Variants in NUP214 observed in about 807,000 individuals in gnomAD.
NUP214 encodes the protein nucleoporin 214.
NUP214 carries 79 observed loss-of-function variants against 196.2 expected under a neutral mutation model. That is an observed-to-expected ratio of 0.40 (90% CI 0.34 to 0.49). The LOEUF is 0.49. Among genes scored for constraint, NUP214 ranks in the 20% least tolerant of loss-of-function variants. The pLI, the probability that NUP214 is intolerant of heterozygous loss-of-function variation, is 0.58. For synonymous variants in NUP214, 1,020 were observed against 990.5 expected (o/e 1.03, Z -0.56); for missense variants, 2,468 against 2,539.0 (o/e 0.97, Z 0.60).
intron 9 of NUP214, among the ~76,000 whole-genome samples, chr9:131,137,139 T>A (rs951996762): frequency 6.6e-6 from 1 of 152,234 alleles, no homozygotes; most frequent in African/African-American, 2.4e-5. Flanking sequence ...AGTAATAATT[T>A]CTTATTAGTA....
chr9:131,189,693 T>C (rs891073823), intron 26 of NUP214, among the ~76,000 whole-genome samples: 1 of 152,226 alleles, frequency 6.6e-6, no homozygotes, highest in South Asian at 2.1e-4. Context: ...TTAATTTAGT[T>C]TTCACAGTAA....
chr9:131,171,750 G>A (rs987990332), intron 21 of NUP214, among the ~76,000 whole-genome samples: 1 of 151,798 alleles, frequency 6.6e-6, no homozygotes, highest in African/African-American at 2.4e-5. Flanking sequence ...TCCCCTTCCT[G>A]TGTCCATGTG....
chr9:131,125,821 A>G lies in NUP214; in HGVS notation c.45+72A>G. 6.6e-7 allele frequency: 1 copy of G among 1,513,404 alleles called. No homozygotes were observed. Among genetic ancestry groups the G allele is most frequent in the Non-Finnish European group, 9.0e-7 (1 of 1,114,782 alleles). 93.7% of individuals were successfully genotyped at this position (1,513,404 alleles called of 1,614,324 possible). On this transcript the variant is annotated intron_variant, in intron 1 of 35. Coordinates refer to ENST00000359428, the MANE Select transcript of NUP214 (RefSeq NM_005085.4). This position sits in a 1 kb window ranked among gnomAD's most constrained non-coding sequence, Gnocchi z 4.1. ...GCCTTGGAGCCCAGCTGAAAGGCGA[A>G]GCGCGGTGCTGGCTGTCCCGCCTCC...
intron 33 of NUP214, chr9:131,228,626 GC>G (rs1452831949): frequency 2.5e-5 from 7 of 278,262 alleles, no homozygotes; most frequent in Non-Finnish European, 4.7e-5. Flanking sequence ...CACCAGCCCT[GC>G]CTTAACTACT....
At chr9:131,208,671 T>G (rs191137586) in intron 30 of NUP214, among the ~76,000 whole-genome samples, 2,996 of 151,352 alleles carry the variant, frequency 0.02, 38 homozygotes, top group Non-Finnish European at 0.029. Context: ...CACTCCAGCC[T>G]GGGCGACAGA....
chr9:131,192,757 A>G (rs1398189135), intron 27 of NUP214: 1 of 155,174 alleles, frequency 6.4e-6, no homozygotes, highest in Non-Finnish European at 1.4e-5. Context: ...CCTGGGCAAC[A>G]TAGTGAGACC....
At chr9:131,173,080 G>T (rs1400893811) in intron 21 of NUP214, among the ~76,000 whole-genome samples, 2 of 152,108 alleles carry the variant, frequency 1.3e-5, no homozygotes, top group African/African-American at 2.4e-5. Context: ...TATTTGAGAA[G>T]GAGTCTCACT....
At chr9:131,223,011 G>A (rs1834605722) in intron 32 of NUP214, 81 bp downstream of exon 32, 2 of 1,405,430 alleles carry the variant, frequency 1.4e-6, no homozygotes, top group South Asian at 2.7e-5. Flanking sequence ...GACATCTCTA[G>A]GGTGGTTATC....
At chr9:131,223,778 A>C (rs1834647935) in intron 32 of NUP214, among the ~76,000 whole-genome samples, 3 of 56,770 alleles carry the variant, frequency 5.3e-5, no homozygotes, top group African/African-American at 1.8e-4. Flanking sequence ...TCTGTCGCCC[A>C]GGCTGGAGTG....
chr9:131,178,214 CT>C, intron 23 of NUP214, 96 bp from the exon 24 acceptor site: 1 of 839,516 alleles, frequency 1.2e-6, no homozygotes, highest in Non-Finnish European at 2.0e-6. Context: ...CTCTAATCTG[CT>C]TGGGCTCATG....
At chr9:131,230,158 T>C (rs941998726) in intron 33 of NUP214, 5 of 184,224 alleles carry the variant, frequency 2.7e-5, no homozygotes, top group Non-Finnish European at 5.8e-5. Context: ...TAATTATTGA[T>C]TCAGGAAGCA....
At chr9:131,157,389 G>A (rs1179562827) in intron 17 of NUP214, among the ~76,000 whole-genome samples, 1 of 151,672 alleles carries the variant, frequency 6.6e-6, no homozygotes, top group East Asian at 1.9e-4. Flanking sequence ...TCGAACACCT[G>A]GGCCCTAGCA....
chr9:131,215,142 C>A, intron 30 of NUP214, 70 bp from the exon 31 acceptor site: 1 of 1,378,488 alleles, frequency 7.3e-7, no homozygotes, highest in Non-Finnish European at 9.6e-7. Context: ...ACCTCCTGCC[C>A]ACGGATGCAG....
At chr9:131,211,009 C>T (rs563299018) in intron 30 of NUP214, among the ~76,000 whole-genome samples, 18 of 152,268 alleles carry the variant, frequency 1.2e-4, no homozygotes, top group African/African-American at 4.1e-4. Flanking sequence ...TCAGAAGACT[C>T]AACATTTTGT....
At chr9:131,164,214 C>T (rs1157329484) in intron 21 of NUP214, 70 bp downstream of exon 21, 1 of 1,391,846 alleles carries the variant, frequency 7.2e-7, no homozygotes, top group Admixed American at 1.7e-5. Context: ...TGTGCGCGCG[C>T]ACATGCACGT....
chr9:131,222,909 T>A lies in NUP214; in HGVS notation c.5881T>A (p.Phe1961Ile). 4 of 1,614,078 alleles carry A rather than the reference T, an allele frequency of 2.5e-6. No homozygotes were observed. The highest frequency in any genetic ancestry group is 3.4e-6 in the Non-Finnish European group (4 of 1,179,972). ...AAGTGTGGCATCCCAAGGCTTTGGG[T>A]TTTCCTCTCCAAACAAAACAGGTAC... is the stretch of plus-strand genomic sequence containing the variant. ...GGSVASQGFG[F>I]SSPNKTGGFG... The change falls in exon 32 of 36, where the codon TTT (phenylalanine) becomes ATT (isoleucine). Residue 1961 changes from phenylalanine (F) to isoleucine (I), a missense_variant. By Grantham distance (21) the Phe-to-Ile change is conservative (BLOSUM62 0). Coordinates refer to ENST00000359428, the MANE Select transcript of NUP214 (RefSeq NM_005085.4).
At chr9:131,188,932 C>T in intron 25 of NUP214, 121 bp from the exon 26 acceptor site, 22 of 692,424 alleles carry the variant, frequency 3.2e-5, no homozygotes, top group Non-Finnish European at 4.1e-5. Flanking sequence ...GGTAATTTAT[C>T]TAAAAGTATT....
chr9:131,184,627 T>C (rs7019766), intron 24 of NUP214, among the ~76,000 whole-genome samples: 147,560 of 152,224 alleles, frequency 0.97, 71,717 homozygotes, highest in East Asian at 1. Context: ...TGAGACACCG[T>C]GCCTGGCCTA....
At chr9:131,213,931 T>C (rs1294009652) in intron 30 of NUP214, among the ~76,000 whole-genome samples, 5 of 152,154 alleles carry the variant, frequency 3.3e-5, no homozygotes, top group Non-Finnish European at 7.3e-5. Flanking sequence ...AAAGATGATG[T>C]CAGAGCAGTG....
Sources: allele counts gnomAD v4.1 joint callset (sites outside exome capture counted in the v4.1 genomes callset), GRCh38; gene constraint gnomAD v4.1.1; non-coding constraint Gnocchi (gnomAD v3.1); transcripts MANE v1.5; gene names NCBI Gene and HGNC (gene_info 2026-07-23, HGNC 2026-07-21).